The following PAK1 variants were observed in gnomAD, a reference collection of about 807,000 sequenced individuals.
PAK1 encodes serine/threonine-protein kinase PAK 1.
In PAK1, 29 loss-of-function variants were observed where a neutral mutation model predicts 67.4. That is an observed-to-expected ratio of 0.43 (90% CI 0.32 to 0.59). PAK1 has a LOEUF of 0.59. Among genes scored for constraint, PAK1 ranks in the 20% least tolerant of loss-of-function variants. The probability of loss-of-function intolerance (pLI) is 0.07; values close to 1 mark genes in which losing one functional copy is unlikely to be tolerated. For missense variants in PAK1, 337 were observed against 670.7 expected (o/e 0.50, Z 5.50); for synonymous variants, 223 against 237.4 (o/e 0.94, Z 0.56).
chr11:77,459,692 T>TCTTCTTC (rs746174401), intron 1 of PAK1, among the ~76,000 whole-genome samples: 2 of 73,620 alleles, frequency 2.7e-5, no homozygotes, highest in Non-Finnish European at 6.4e-5. Flanking sequence ...TTCTTCTTCT[T>TCTTCTTC]TTTTTTTTTT....
At chr11:77,413,141 T>C (rs1288919102) in intron 1 of PAK1, among the ~76,000 whole-genome samples, 1 of 152,224 alleles carries the variant, frequency 6.6e-6, no homozygotes, top group Non-Finnish European at 1.5e-5. Context: ...AATTAGGAGT[T>C]AGGCTTTTGT....
At chr11:77,406,925 T>C (rs1242343210) in intron 1 of PAK1, among the ~76,000 whole-genome samples, 1 of 152,198 alleles carries the variant, frequency 6.6e-6, no homozygotes, top group African/African-American at 2.4e-5. Flanking sequence ...CACTATTGAT[T>C]GGTGAGAGGA....
At chr11:77,356,990 G>A (rs2136539103) in intron 6 of PAK1, among the ~76,000 whole-genome samples, 1 of 152,270 alleles carries the variant, frequency 6.6e-6, no homozygotes, top group East Asian at 1.9e-4. Context: ...TATAAGGACA[G>A]GGAATGTGGG....
chr11:77,489,874 G>A, the PAK1 span, among the ~76,000 whole-genome samples: 3 of 152,124 alleles, frequency 2.0e-5, no homozygotes, highest in East Asian at 1.9e-4. Context: ...CCACCACCCC[G>A]TCTGGGAAGT....
intron 1 of PAK1, among the ~76,000 whole-genome samples, chr11:77,449,815 A>T (rs754415560): frequency 6.6e-6 from 1 of 152,068 alleles, no homozygotes; most frequent in Non-Finnish European, 1.5e-5. Context: ...GGACTTTCCA[A>T]TGTATTACAT....
chr11:77,354,297 T>A (rs141481062), intron 7 of PAK1, among the ~76,000 whole-genome samples: 2,086 of 152,166 alleles, frequency 0.014, 18 homozygotes, highest in Non-Finnish European at 0.018. Flanking sequence ...GAGCTAAGAT[T>A]AGGAGTTTCA....
chr11:77,410,405 G>A (rs1053499904), intron 1 of PAK1, among the ~76,000 whole-genome samples: 8 of 152,184 alleles, frequency 5.3e-5, no homozygotes, highest in African/African-American at 7.2e-5. Flanking sequence ...GCAGTAAAGA[G>A]AGAGAATGGT....
chr11:77,381,186 G>GAA (rs1192345267), intron 2 of PAK1, among the ~76,000 whole-genome samples: 1 of 149,322 alleles, frequency 6.7e-6, no homozygotes, highest in African/African-American at 2.6e-5. Flanking sequence ...TAGAGAGAGA[G>GAA]AGAGAAAGAG....
At chr11:77,453,790 C>T (rs886777330) in intron 1 of PAK1, among the ~76,000 whole-genome samples, 4 of 151,900 alleles carry the variant, frequency 2.6e-5, no homozygotes, top group African/African-American at 9.7e-5. Flanking sequence ...GATCAAAGAT[C>T]CAACACCAGG....
chr11:77,346,335 C>G (rs572605956), intron 9 of PAK1, among the ~76,000 whole-genome samples: 24 of 152,294 alleles, frequency 1.6e-4, no homozygotes, highest in African/African-American at 5.8e-4. Flanking sequence ...TAAGCCCCAC[C>G]TATATAGGCT....
At chr11:77,456,083 A>G (rs1371256846) in intron 1 of PAK1, 1 of 152,172 alleles carries the variant, frequency 6.6e-6, no homozygotes, top group African/African-American at 2.4e-5. Context: ...AAATGATACC[A>G]CTGCACATAC....
intron 2 of PAK1, among the ~76,000 whole-genome samples, chr11:77,391,283 A>G (rs1461132737): frequency 6.6e-6 from 1 of 152,228 alleles, no homozygotes; most frequent in Non-Finnish European, 1.5e-5. Context: ...GAGACAAAGG[A>G]GTAAAGAGAC....
intron 1 of PAK1, among the ~76,000 whole-genome samples, chr11:77,441,323 G>C (rs1592487256): frequency 6.6e-6 from 1 of 152,112 alleles, no homozygotes; most frequent in East Asian, 1.9e-4. Flanking sequence ...ATACCCCTTG[G>C]GCTAGTCCTT....
intron 5 of PAK1, among the ~76,000 whole-genome samples, chr11:77,371,127 G>T (rs1948375844): frequency 6.6e-6 from 1 of 152,180 alleles, no homozygotes; most frequent in Admixed American, 6.5e-5. Flanking sequence ...TTATCATGTG[G>T]TAACTATTCA....
the PAK1 span, among the ~76,000 whole-genome samples, chr11:77,493,294 A>T: frequency 7.9e-6 from 1 of 126,196 alleles, no homozygotes. Context: ...TTTTTTTGAG[A>T]CAGGGTCTCT....
intron 1 of PAK1, among the ~76,000 whole-genome samples, chr11:77,393,737 T>C (rs1011344350): frequency 1.3e-5 from 2 of 152,174 alleles, no homozygotes; most frequent in African/African-American, 4.8e-5. Flanking sequence ...GCGCGGTGGC[T>C]CATGCCTGTA....
intron 2 of PAK1, among the ~76,000 whole-genome samples, chr11:77,387,066 G>A (rs138770300): frequency 0.034 from 4,673 of 135,978 alleles, 128 homozygotes; most frequent in African/African-American, 0.083. Flanking sequence ...GAGCCACCAC[G>A]CCCAGCCTTT....
chr11:77,516,015 T>A, the PAK1 span, among the ~76,000 whole-genome samples: 1 of 152,250 alleles, frequency 6.6e-6, no homozygotes, highest in African/African-American at 2.4e-5. Context: ...AGAAGGGCTT[T>A]AGAGGCAGAC....
At chr11:77,523,026 A>G in the PAK1 span, among the ~76,000 whole-genome samples, 2 of 152,196 alleles carry the variant, frequency 1.3e-5, no homozygotes, top group African/African-American at 2.4e-5. Flanking sequence ...CACTGGGTAC[A>G]CATGGACATA....
Sources: gnomAD v4.1 joint callset for allele counts (sites outside exome capture counted in the v4.1 genomes callset) on GRCh38, gnomAD v4.1.1 for gene constraint, MANE v1.5 for transcripts, NCBI Gene and HGNC (gene_info 2026-07-23, HGNC 2026-07-21) for gene names.